DNMBP: variants seen among roughly 807,000 people sequenced by gnomAD.
DNMBP encodes the protein dynamin-binding protein.
Under a neutral mutation model 150.0 loss-of-function variants are expected in DNMBP, and 87 were observed. That is an observed-to-expected ratio of 0.58 (90% CI 0.49 to 0.69). The LOEUF (loss-of-function observed/expected upper bound fraction) is 0.69. DNMBP is among the 30% of genes least tolerant of loss of function. The pLI is 0.00. For missense variants in DNMBP, 1,774 were observed against 1,949.0 expected (o/e 0.91, Z 1.69); for synonymous variants, 711 against 750.4 (o/e 0.95, Z 0.86).
In DNMBP at chr10:99,969,228, G is replaced by C. The variant is rs372324249; in HGVS notation, c.155C>G (p.Pro52Arg). 3 of 1,613,860 alleles carry C rather than the reference G, an allele frequency of 1.9e-6. No individual in the cohort carries two copies. The highest frequency in any genetic ancestry group is 2.5e-6 in the Non-Finnish European group (3 of 1,179,942). Reference sequence around the variant, plus strand: ...GGTCACAATTTCCACAAAACTGCTGGGGAATTGTCCTGAAAATAAAAGCAA... The same window carrying C: ...GGTCACAATTTCCACAAAACTGCTGCGGAATTGTCCTGAAAATAAAAGCAA... ...GKKEDVTGQF[P>R]SSFVEIVTIP... is the part of the protein sequence containing the mutation. Residue 52 changes from proline to arginine, a missense_variant, in exon 3 of 17, where the codon CCC (proline) becomes CGC (arginine). By Grantham distance (103) the Pro-to-Arg change is moderately radical. Coordinates refer to ENST00000324109, the MANE Select transcript of DNMBP (RefSeq NM_015221.4).
At chr10:99,884,349 T>A in intron 14 of DNMBP, 140 bp from the exon 15 acceptor site, 1 of 744,374 alleles carries the variant, frequency 1.3e-6, no homozygotes. Flanking sequence ...GATGTTTTTG[T>A]GATGAAGCCA....
chr10:100,005,338 G>T (rs1281255026), intron 1 of DNMBP, among the ~76,000 whole-genome samples: 3 of 152,186 alleles, frequency 2.0e-5, no homozygotes, highest in African/African-American at 7.2e-5. Context: ...AACAACTTGA[G>T]TAACCACTCA....
At chr10:99,915,089 T>C (rs2039946298) in intron 4 of DNMBP, among the ~76,000 whole-genome samples, 1 of 66,892 alleles carries the variant, frequency 1.5e-5, no homozygotes, top group South Asian at 5.1e-4. Context: ...TGTGAAACTC[T>C]GTCTCAAAAA....
intron 4 of DNMBP, chr10:99,930,805 A>G: frequency 1.6e-6 from 1 of 623,208 alleles, no homozygotes; most frequent in Non-Finnish European, 2.8e-6. Flanking sequence ...ATTCTTTTCC[A>G]TGGGCCTGGG....
intron 1 of DNMBP, among the ~76,000 whole-genome samples, chr10:99,983,070 C>G (rs1487783816): frequency 2.0e-5 from 3 of 152,098 alleles, no homozygotes; most frequent in African/African-American, 7.2e-5. Context: ...CTTACTCTAC[C>G]AGGAGAGACT....
intron 4 of DNMBP, among the ~76,000 whole-genome samples, chr10:99,945,430 C>CTATG (rs1223111587): frequency 6.6e-6 from 1 of 152,292 alleles, no homozygotes; most frequent in East Asian, 1.9e-4. Context: ...ATAGTTGTTG[C>CTATG]TATGTAATAC....
chr10:99,998,330 CACTTTGGG>C (rs2040973601), intron 1 of DNMBP, among the ~76,000 whole-genome samples: 1 of 151,768 alleles, frequency 6.6e-6, no homozygotes, highest in Non-Finnish European at 1.5e-5. Flanking sequence ...GTAATCCCAA[CACTTTGGG>C]AGGCTGAGGT....
At chr10:99,907,837 T>A (rs1377308917) in intron 6 of DNMBP, among the ~76,000 whole-genome samples, 158 bp downstream of exon 6, 1 of 152,216 alleles carries the variant, frequency 6.6e-6, no homozygotes, top group Non-Finnish European at 1.5e-5. Flanking sequence ...CAAAGTAGGC[T>A]GAGACAGAAG....
At chr10:99,946,842 G>T (rs1187187539) in intron 4 of DNMBP, among the ~76,000 whole-genome samples, 1 of 151,844 alleles carries the variant, frequency 6.6e-6, no homozygotes, top group African/African-American at 2.4e-5. Context: ...TCCAACAAAG[G>T]CCTAACATCT....
intron 1 of DNMBP, among the ~76,000 whole-genome samples, chr10:99,999,834 C>T (rs2040990964): frequency 6.6e-6 from 1 of 152,070 alleles, no homozygotes; most frequent in African/African-American, 2.4e-5. Context: ...TGGATTTGGG[C>T]CAGACTTGAG....
intron 1 of DNMBP, among the ~76,000 whole-genome samples, chr10:99,992,836 GT>G (rs1223004463): frequency 7.9e-5 from 12 of 152,164 alleles, no homozygotes; most frequent in Admixed American, 7.9e-4. Flanking sequence ...GAGTCTAGGA[GT>G]TTTAAGACCA....
At chr10:99,880,983 TG>T (rs1218005943) in intron 15 of DNMBP, among the ~76,000 whole-genome samples, 1 of 152,130 alleles carries the variant, frequency 6.6e-6, no homozygotes, top group Non-Finnish European at 1.5e-5. Context: ...CCAGGCACTT[TG>T]GGTGGCTGAG....
intron 1 of DNMBP, among the ~76,000 whole-genome samples, chr10:99,982,693 C>G (rs1272061787): frequency 6.6e-6 from 1 of 152,082 alleles, no homozygotes; most frequent in Non-Finnish European, 1.5e-5. Flanking sequence ...TGGCTCACGC[C>G]TGTAATCCCA....
At chr10:99,986,286 G>A (rs1365827893) in intron 1 of DNMBP, among the ~76,000 whole-genome samples, 1 of 151,960 alleles carries the variant, frequency 6.6e-6, no homozygotes, top group Non-Finnish European at 1.5e-5. Context: ...AAGGTGGGAG[G>A]GTTGCTTGAG....
chr10:99,973,124 A>T (rs1038617315), intron 1 of DNMBP, among the ~76,000 whole-genome samples: 5 of 149,730 alleles, frequency 3.3e-5, no homozygotes, highest in Non-Finnish European at 7.4e-5. Flanking sequence ...TAGAGATGAG[A>T]TCTCACTTCG....
At chr10:99,884,881 G>A (rs898476576) in intron 14 of DNMBP, among the ~76,000 whole-genome samples, 1 of 151,948 alleles carries the variant, frequency 6.6e-6, no homozygotes, top group Non-Finnish European at 1.5e-5. Flanking sequence ...TCCAGCCTGG[G>A]TGACAGAGCA....
At chr10:99,926,855 T>C (rs2040083719) in intron 4 of DNMBP, among the ~76,000 whole-genome samples, 1 of 152,164 alleles carries the variant, frequency 6.6e-6, no homozygotes, top group Non-Finnish European at 1.5e-5. Context: ...AGACACAGTT[T>C]GAAATTTGAG....
intron 1 of DNMBP, among the ~76,000 whole-genome samples, chr10:100,004,643 G>A (rs751687145): frequency 3.9e-5 from 6 of 152,122 alleles, no homozygotes; most frequent in South Asian, 4.1e-4. Flanking sequence ...ATGAAAATGC[G>A]GGCCCTAGAG....
Position 99,969,140 on chromosome 10 carries a change from C to A in DNMBP, c.243G>T (p.Glu81Asp), listed in dbSNP as rs12267912. ...CTCGATGGAGGGGAAGATTATCCAA[C>A]TCTTGGGATGTGAATTCACAAATGC... Reference protein sequence around the residue: ...FVCICEFTSQELDNLPLHRGD... With the variant: ...FVCICEFTSQDLDNLPLHRGD... Residue 81 changes from glutamate (E) to aspartate (D), a missense_variant, in exon 3 of 17, where the codon GAG becomes GAT. Coordinates refer to ENST00000324109, the MANE Select transcript of DNMBP (RefSeq NM_015221.4). The A allele has an allele frequency of 8.2e-4, 1,322 of 1,614,100 alleles. 4 individuals carry two copies. The African/African-American group carries it at 0.012, about 14-fold the overall frequency.
Sources: allele counts gnomAD v4.1 joint callset (sites outside exome capture counted in the v4.1 genomes callset), GRCh38; gene constraint gnomAD v4.1.1; transcripts MANE v1.5; gene names NCBI Gene and HGNC (gene_info 2026-07-23, HGNC 2026-07-21).